Variants in CFAP36 observed in about 807,000 individuals in gnomAD.
CFAP36 encodes cilia- and flagella-associated protein 36.
CFAP36 carries 37 observed loss-of-function variants against 50.5 expected under a neutral mutation model. The observed-to-expected ratio is 0.73, with a 90% CI of 0.56 to 0.96. The LOEUF is 0.96. Among genes scored for constraint, CFAP36 ranks in the 50% least tolerant of loss-of-function variants. The pLI, the probability that CFAP36 is intolerant of heterozygous loss-of-function variation, is 0.00. For synonymous variants in CFAP36, 138 were observed against 128.2 expected (o/e 1.08, Z -0.52); for missense variants, 407 against 396.2 (o/e 1.03, Z -0.23).
rs553330663 is a variant in CFAP36, at chr2:55,528,588, G to C, written c.283-290G>C. 6.6e-5 allele frequency among the ~76,000 whole-genome samples: 10 copies of C among 151,988 alleles called. No homozygotes were observed. The East Asian group carries it at 1.9e-3, about 29-fold the overall frequency. On this transcript the variant is annotated intron_variant, in intron 3 of 9. Transcript: ENST00000349456. ...TTTTTATTTTTTTAGTAGAGATGGG[G>C]TTTCACCATGTTGGCTAGGCTAATC...
At chr2:55,528,578 T>G (rs1684270560) in intron 3 of CFAP36, among the ~76,000 whole-genome samples, 2 of 151,958 alleles carry the variant, frequency 1.3e-5, no homozygotes, top group South Asian at 4.2e-4. Context: ...ATTTTTTTAG[T>G]AGAGATGGGG....
intron 5 of CFAP36, among the ~76,000 whole-genome samples, chr2:55,535,238 A>G (rs1684450644): frequency 6.6e-6 from 1 of 152,230 alleles, no homozygotes; most frequent in Non-Finnish European, 1.5e-5. Flanking sequence ...CTCAGTGAAC[A>G]GTTTACAAAA....
chr2:55,536,994 TG>T (rs1210515489), intron 6 of CFAP36, among the ~76,000 whole-genome samples: 1 of 152,116 alleles, frequency 6.6e-6, no homozygotes, highest in Admixed American at 6.5e-5. Context: ...CTGCTGGCCT[TG>T]GCCTCCCAAA....
chr2:55,543,080 T>C (rs1047664049), intron 7 of CFAP36, among the ~76,000 whole-genome samples: 4 of 151,448 alleles, frequency 2.6e-5, no homozygotes, highest in African/African-American at 9.7e-5. Context: ...TTTTTTTAAC[T>C]GGCAGGATCA....
chr2:55,532,347 T>C (rs1457531625), intron 4 of CFAP36, among the ~76,000 whole-genome samples: 1 of 152,346 alleles, frequency 6.6e-6, no homozygotes, highest in East Asian at 1.9e-4. Context: ...AGTCAAAGGC[T>C]CTCTGGATTC....
At chr2:55,521,400 A>G (rs1684057793) in intron 1 of CFAP36, among the ~76,000 whole-genome samples, 2 of 152,088 alleles carry the variant, frequency 1.3e-5, no homozygotes, top group African/African-American at 4.8e-5. Context: ...CATCAGCAAA[A>G]TTCCAGTACA....
rs770899804 is a variant in CFAP36 at position 55,538,780 on chromosome 2, G to T, written c.640+1195G>T. Reference sequence around the variant, plus strand: ...TTTTTTAAAGAAATTCAAGGAAGCTGAGCGACTTGTCCAAGATCACCGAAC... The same window carrying T: ...TTTTTTAAAGAAATTCAAGGAAGCTTAGCGACTTGTCCAAGATCACCGAAC... On this transcript the variant is annotated intron_variant, in intron 7 of 9. Coordinates refer to ENST00000349456, the MANE Select transcript of CFAP36 (RefSeq NM_080667.7). The T allele has an allele frequency of 1.9e-6, 3 of 1,544,232 alleles. No homozygotes were observed. In the South Asian group the frequency reaches 3.6e-5, roughly 19 times the overall value.
At chr2:55,527,053 T>C (rs1452421419) in intron 3 of CFAP36, among the ~76,000 whole-genome samples, 3 of 151,846 alleles carry the variant, frequency 2.0e-5, no homozygotes, top group African/African-American at 7.3e-5. Context: ...AATAAAATAA[T>C]TTAAATGTTA....
intron 1 of CFAP36, among the ~76,000 whole-genome samples, chr2:55,521,656 G>GTC (rs1684070116): frequency 6.7e-6 from 1 of 148,680 alleles, no homozygotes; most frequent in South Asian, 2.1e-4. Flanking sequence ...TTGAGATGGA[G>GTC]TCTCACTCTG....
intron 7 of CFAP36, among the ~76,000 whole-genome samples, chr2:55,538,371 C>G (rs1250247726): frequency 6.7e-6 from 1 of 149,792 alleles, no homozygotes; most frequent in Non-Finnish European, 1.5e-5. Context: ...CTCGGCTCAC[C>G]ATAACCTCCA....
chr2:55,536,957 G>A (rs911333766), intron 6 of CFAP36, among the ~76,000 whole-genome samples: 9 of 151,918 alleles, frequency 5.9e-5, no homozygotes, highest in African/African-American at 1.5e-4. Flanking sequence ...TGGCCAGACC[G>A]GTCTCGAACT....
intron 4 of CFAP36, chr2:55,531,226 G>A (rs1248272903): frequency 6.6e-6 from 1 of 152,160 alleles, no homozygotes; most frequent in East Asian, 1.9e-4. Context: ...GAATTTTCCT[G>A]AAAACTATGC....
Position 55,533,929 on chromosome 2 carries a change from G to A in CFAP36, c.454G>A (p.Glu152Lys), listed in dbSNP as rs202146830. 1.7e-4 allele frequency: 277 copies of A among 1,610,606 alleles called. 3 individuals are homozygous for A. The South Asian group carries it at 2.9e-3, about 17-fold the overall frequency. ...GSDVVSDLEH[E>K]EMKILREVLR... Reference sequence around the variant, plus strand: ...TGATGTGGTCAGTGACCTTGAACACGAAGAGATGAAAATCCTGAGGGAAGT... The same window carrying A: ...TGATGTGGTCAGTGACCTTGAACACAAAGAGATGAAAATCCTGAGGGAAGT... The change falls in exon 5 of 10, where the codon GAA becomes AAA. Residue 152 changes from glutamate to lysine, a missense_variant. By Grantham distance (56) the Glu-to-Lys change is moderately conservative. Coordinates refer to ENST00000349456, the MANE Select transcript of CFAP36 (RefSeq NM_080667.7).
intron 5 of CFAP36, among the ~76,000 whole-genome samples, chr2:55,534,885 G>A (rs953752057): frequency 1.3e-5 from 2 of 152,150 alleles, no homozygotes; most frequent in Non-Finnish European, 2.9e-5. Flanking sequence ...GCTTAATTTC[G>A]GGGGTTTGAG....
chr2:55,527,375 G>C (rs886721018), intron 3 of CFAP36, among the ~76,000 whole-genome samples: 1 of 151,918 alleles, frequency 6.6e-6, no homozygotes, highest in Non-Finnish European at 1.5e-5. Flanking sequence ...TTGAGGTCAG[G>C]AGTTCGAGAC....
chr2:55,538,958 G>A (rs1157740143), intron 7 of CFAP36: 21 of 1,398,412 alleles, frequency 1.5e-5, no homozygotes, highest in Non-Finnish European at 1.8e-5. Context: ...TCTTTAATAT[G>A]CCTAATTTAA....
At chr2:55,520,552 G>A (rs1025884003) in intron 1 of CFAP36, 4 of 1,151,492 alleles carry the variant, frequency 3.5e-6, no homozygotes, top group Non-Finnish European at 4.8e-6. Flanking sequence ...CAAATGAGGC[G>A]TATAGATATG....
chr2:55,526,728 CCA>C (rs924409394), intron 3 of CFAP36, among the ~76,000 whole-genome samples: 7 of 152,086 alleles, frequency 4.6e-5, no homozygotes, highest in African/African-American at 1.7e-4. Flanking sequence ...CAGGTGTGAG[CCA>C]CTACATTTTG....
intron 6 of CFAP36, among the ~76,000 whole-genome samples, chr2:55,536,530 A>G (rs1342861468): frequency 6.6e-6 from 1 of 151,860 alleles, no homozygotes; most frequent in Non-Finnish European, 1.5e-5. Flanking sequence ...GGCTCACTGC[A>G]ACCTCTGCTT....
Sources: gnomAD v4.1 joint callset for allele counts (sites outside exome capture counted in the v4.1 genomes callset) on GRCh38, gnomAD v4.1.1 for gene constraint, MANE v1.5 for transcripts, NCBI Gene and HGNC (gene_info 2026-07-23, HGNC 2026-07-21) for gene names.